The following LAMA4 variants were observed in gnomAD, a reference collection of about 807,000 sequenced individuals.
LAMA4 encodes the protein laminin subunit alpha-4.
A neutral mutation model predicts 207.1 loss-of-function variants in LAMA4; 127 were observed. The ratio of observed to expected loss-of-function variants is 0.61; its 90% CI spans 0.53 to 0.71. The LOEUF (loss-of-function observed/expected upper bound fraction) is 0.71, where lower values mean the gene tolerates loss of function less well. Ranked by LOEUF, LAMA4 falls within the 30% of genes least tolerant of loss-of-function variation. The pLI is 0.00. For synonymous variants in LAMA4, 761 were observed against 816.0 expected (o/e 0.93, Z 1.15); for missense variants, 2,093 against 2,246.5 (o/e 0.93, Z 1.38).
chr6:112,139,760 T>C lies in LAMA4; in HGVS notation c.3102A>G (p.Pro1034=), dbSNP rs781845593. ...TCTTAACTGTCTCTTACCGGGCACA[T>C]GGCACTGATGTGGAGGGGTCCATAT... is the stretch of plus-strand genomic sequence containing the variant. ...IYNMDPSTSV[P]CARDKLAFTQ... Residue 1034 remains proline, a synonymous_variant, in exon 23 of 39, where the codon CCA becomes CCG. Transcript: ENST00000230538. The C allele has an allele frequency of 9.9e-6, 16 of 1,614,010 alleles. No homozygotes were observed. Among genetic ancestry groups the C allele is most frequent in the Non-Finnish European group, 1.3e-5 (15 of 1,179,870 alleles).
At position 112,142,166 on chromosome 6, in the gene LAMA4, G is replaced by C. The variant is rs782635471; in HGVS notation, c.2620C>G (p.Leu874Val). ...YMKPPVKRPE[L>V]TETADQFILY... is the part of the protein sequence containing the mutation. ...ATAAACTGATCTGCAGTCTCGGTCAGTTCCGGCCGCTTCACAGGGGGTTTC... is the reference window on the plus strand; with the variant it reads ...ATAAACTGATCTGCAGTCTCGGTCACTTCCGGCCGCTTCACAGGGGGTTTC... Residue 874 changes from leucine to valine, a missense_variant, in exon 20 of 39, where the codon CTG becomes GTG. Coordinates refer to ENST00000230538, the MANE Select transcript of LAMA4 (RefSeq NM_001105206.3). 9.9e-6 allele frequency: 16 copies of C among 1,613,982 alleles called. No homozygotes were observed. The highest frequency in any genetic ancestry group is 1.4e-5 in the Non-Finnish European group (16 of 1,180,014).
Position 112,114,195 on chromosome 6 carries a change from A to G in LAMA4, c.5207T>C (p.Val1736Ala), listed in dbSNP as rs782532472. 1 of 1,613,796 alleles carries G rather than the reference A, an allele frequency of 6.2e-7. No individual in the cohort carries two copies. Among genetic ancestry groups the G allele is most frequent in the East Asian group, 2.2e-5 (1 of 44,874 alleles). ...LCDGRWHRIT[V>A]IRDSNVVQLD... Reference sequence around the variant, plus strand: ...CTGAACCACATTAGAATCTCTAATAACTGAAATGCAGGGCAAAGACTGGTC... The same window carrying G: ...CTGAACCACATTAGAATCTCTAATAGCTGAAATGCAGGGCAAAGACTGGTC... Residue 1736 changes from valine (V) to alanine (A), a missense_variant and splice_region_variant, in exon 38 of 39, where the codon GTT (valine) becomes GCT (alanine). Physicochemically the swap from Val to Ala is moderately conservative, Grantham distance 64. Coordinates refer to ENST00000230538, the MANE Select transcript of LAMA4 (RefSeq NM_001105206.3).
In LAMA4 at chr6:112,150,950, C is replaced by T. The variant is rs139556898; in HGVS notation, c.2057-323G>A. ...AAGAGCTGAAAAGAAAAAAATCTCT[C>T]TCTCTCTACATATATGTGATAACGA... is the stretch of plus-strand genomic sequence containing the variant. On this transcript the variant is annotated intron_variant, in intron 16 of 38. Coordinates refer to ENST00000230538, the MANE Select transcript of LAMA4 (RefSeq NM_001105206.3). Among the ~76,000 whole-genome samples, 774 of 152,290 alleles carry T rather than the reference C, an allele frequency of 5.1e-3. 5 individuals are homozygous for T. The highest frequency in any genetic ancestry group is 0.015 in the South Asian group (70 of 4,814).
At chr6:112,113,904 G>T (rs587699473) in intron 38 of LAMA4, among the ~76,000 whole-genome samples, 172 bp downstream of exon 38, 2 of 152,282 alleles carry the variant, frequency 1.3e-5, no homozygotes, top group African/African-American at 4.8e-5. Flanking sequence ...GAATGCTGGG[G>T]TCTAGTTCTT....
chr6:112,150,527 T>C lies in LAMA4; in HGVS notation c.2157A>G (p.Leu719=). Residue 719 remains leucine (L), a synonymous_variant, in exon 17 of 39, where the codon CTA becomes CTG. Coordinates refer to ENST00000230538, the MANE Select transcript of LAMA4 (RefSeq NM_001105206.3). ...GATGCTTACCTCTCTCTGCTGCTTG[T>C]AGTTGCTTAACGGCATCACTGAGTC... ...KTRLSDAVKQ[L]QAAERGDAQQ... is the part of the protein sequence containing the mutation. The C allele has an allele frequency of 2.5e-6, 4 of 1,609,122 alleles. No individual in the cohort carries two copies. Among genetic ancestry groups the C allele is most frequent in the Non-Finnish European group, 3.4e-6 (4 of 1,175,418 alleles).
At chr6:112,176,257 G>A (rs2157544) in intron 10 of LAMA4, among the ~76,000 whole-genome samples, 2 of 152,034 alleles carry the variant, frequency 1.3e-5, no homozygotes, top group Non-Finnish European at 2.9e-5. Flanking sequence ...ACTGAAATAC[G>A]TCTTTGAATC....
chr6:112,154,357 C>CAAAAAAAAAAAAAAAAAAAAAA (rs55988988), intron 16 of LAMA4, among the ~76,000 whole-genome samples: 2 of 120,268 alleles, frequency 1.7e-5, no homozygotes, highest in Non-Finnish European at 3.5e-5. Context: ...ACACAAACTA[C>CAAAAAAAAAAAAAAAAAAAAAA]AAAAAAAAAA....
chr6:112,170,527 G>GA (rs1439932117), intron 12 of LAMA4, among the ~76,000 whole-genome samples: 1 of 152,186 alleles, frequency 6.6e-6, no homozygotes, highest in Non-Finnish European at 1.5e-5. Context: ...AGGATGAGAA[G>GA]AATCACTTAT....
At position 112,133,348 on chromosome 6, in the gene LAMA4, C is replaced by A; in HGVS notation, c.3696+1G>T. ...AAAGCTTTTGACTGAGTGGTTCTTA[C>A]AAGTGAGTCTTCTGGGCATCCATAA... On this transcript the variant is annotated splice_donor_variant, in intron 27 of 38. Transcript: ENST00000230538. LOFTEE classifies it high-confidence loss of function. The A allele has an allele frequency of 6.2e-7, 1 of 1,613,690 alleles. No homozygotes were observed. The highest frequency in any genetic ancestry group is 8.5e-7 in the Non-Finnish European group (1 of 1,179,658).
Position 112,253,950 on chromosome 6 carries a change from CTG to C in LAMA4, c.195+4_195+5del, listed in dbSNP as rs397516719. Reference sequence around the variant, plus strand: ...CAGCAGGGTGGCAATGGCAGGGACACTGTACCTCGGCCGCAGGCGGCAGGCGT... The same window carrying C: ...CAGCAGGGTGGCAATGGCAGGGACACTACCTCGGCCGCAGGCGGCAGGCGT... On this transcript the variant is annotated splice_donor_5th_base_variant and intron_variant, in intron 2 of 38. Coordinates refer to ENST00000230538, the MANE Select transcript of LAMA4 (RefSeq NM_001105206.3). The C allele has an allele frequency of 5.0e-6, 8 of 1,601,638 alleles. No individual in the cohort carries two copies. In the South Asian group the frequency reaches 8.9e-5, roughly 18 times the overall value.
intron 2 of LAMA4, among the ~76,000 whole-genome samples, chr6:112,240,624 T>A (rs1344763393): frequency 1.3e-5 from 2 of 152,192 alleles, no homozygotes; most frequent in African/African-American, 4.8e-5. Flanking sequence ...GATTTTTAGA[T>A]CCCACAAATA....
intron 2 of LAMA4, among the ~76,000 whole-genome samples, chr6:112,241,134 TAGGA>T (rs1389854194): frequency 4.9e-5 from 5 of 101,656 alleles, no homozygotes; most frequent in South Asian, 6.0e-4. Context: ...TATGAATATA[TAGGA>T]ATATATATAT....
chr6:112,219,272 C>G (rs782254249), intron 2 of LAMA4: 1 of 152,154 alleles, frequency 6.6e-6, no homozygotes, highest in Non-Finnish European at 1.5e-5. Context: ...CTTAGTAATT[C>G]TAACACCTGT....
chr6:112,134,279 T>C (rs1779206080), intron 26 of LAMA4, among the ~76,000 whole-genome samples, 188 bp downstream of exon 26: 1 of 152,226 alleles, frequency 6.6e-6, no homozygotes, highest in Non-Finnish European at 1.5e-5. Context: ...ATCTATGCGA[T>C]GCTAATTTCA....
Position 112,179,122 on chromosome 6 carries a change from C to T in LAMA4, c.1078-890G>A, listed in dbSNP as rs556885783. On this transcript the variant is annotated intron_variant, in intron 9 of 38. Coordinates refer to ENST00000230538, the MANE Select transcript of LAMA4 (RefSeq NM_001105206.3). ...AACTGCTCAAGCAGATTTGGCTCAG[C>T]GTGAATGGAGCTCTTCTCCGAGAAG... 3.9e-5 allele frequency: 6 copies of T among 152,246 alleles called. No individual in the cohort carries two copies. The East Asian group carries it at 5.8e-4, about 15-fold the overall frequency. 9.4% of individuals were successfully genotyped at this position (152,246 alleles called of 1,614,324 possible).
chr6:112,206,968 A>G, intron 4 of LAMA4, 53 bp downstream of exon 4: 1 of 1,609,296 alleles, frequency 6.2e-7, no homozygotes, highest in Non-Finnish European at 8.5e-7. Context: ...AAAACAAAAC[A>G]AAACAATACA....
In LAMA4 at chr6:112,136,217, A is replaced by G. The variant is rs1554331535; in HGVS notation, c.3320T>C (p.Leu1107Pro). 5 of 1,611,942 alleles carry G rather than the reference A, an allele frequency of 3.1e-6. No individual in the cohort carries two copies. Among genetic ancestry groups the G allele is most frequent in the Non-Finnish European group, 4.2e-6 (5 of 1,178,156 alleles). Residue 1107 changes from leucine (L) to proline (P), a missense_variant, in exon 25 of 39, where the codon CTA becomes CCA. Transcript: ENST00000230538. ...GAATCCAAAATCATAGAACACATGT[A>G]GGTAACCATTGCGCATTTCCAGTCT... Reference protein sequence around the residue: ...FFRLEMRNGYLHVFYDFGFSG... With the variant: ...FFRLEMRNGYPHVFYDFGFSG...
At position 112,207,073 on chromosome 6, in the gene LAMA4, C is replaced by T; in HGVS notation, c.370G>A (p.Gly124Arg). The T allele has an allele frequency of 6.2e-7, 1 of 1,613,994 alleles. No homozygotes were observed. The highest frequency in any genetic ancestry group is 2.2e-5 in the East Asian group (1 of 44,852). The change falls in exon 4 of 39, where the codon GGA becomes AGA. Residue 124 changes from glycine (G) to arginine (R), a missense_variant. By Grantham distance (125) the Gly-to-Arg change is moderately radical. Transcript: ENST00000230538. ...CACGGCTGGCAGAATTGGGGTGCTC[C>T]CCTGATGGAATCTCCGATATAACCA... ...LDGYIGDSIR[G>R]APQFCQPCPC...
At chr6:112,151,312 C>A (rs907001121) in intron 16 of LAMA4, among the ~76,000 whole-genome samples, 5 of 152,106 alleles carry the variant, frequency 3.3e-5, no homozygotes, top group Non-Finnish European at 7.4e-5. Context: ...AGCTATAATA[C>A]ACCTTGATAA....
Sources: allele counts gnomAD v4.1 joint callset (sites outside exome capture counted in the v4.1 genomes callset), GRCh38; gene constraint gnomAD v4.1.1; transcripts MANE v1.5; gene names NCBI Gene and HGNC (gene_info 2026-07-23, HGNC 2026-07-21).